CNTN5: variants seen among roughly 807,000 people sequenced by gnomAD.
CNTN5 encodes contactin-5.
Under a neutral mutation model 129.1 loss-of-function variants are expected in CNTN5, and 77 were observed. The observed-to-expected ratio is 0.60, with a 90% CI of 0.50 to 0.72. The LOEUF (loss-of-function observed/expected upper bound fraction) is 0.72. Ranked by LOEUF, CNTN5 falls within the 30% of genes least tolerant of loss-of-function variation. The pLI is 0.00. For missense variants in CNTN5, 1,478 were observed against 1,328.8 expected, an observed-to-expected ratio of 1.11 and a Z score of -1.75; for synonymous variants, 509 against 465.6, an observed-to-expected ratio of 1.09 and a Z score of -1.20.
At chr11:100,347,632 C>A (rs1246115127) in intron 23 of CNTN5, among the ~76,000 whole-genome samples, 1 of 152,044 alleles carries the variant, frequency 6.6e-6, no homozygotes, top group Non-Finnish European at 1.5e-5. Flanking sequence ...AAAAAGAAAT[C>A]TTGTTGTTAA....
At chr11:100,281,332 T>A (rs1188262040) in intron 18 of CNTN5, among the ~76,000 whole-genome samples, 2 of 152,134 alleles carry the variant, frequency 1.3e-5, no homozygotes, top group Non-Finnish European at 2.9e-5. Flanking sequence ...TTTCTCCTTA[T>A]GTTTGAAGGA....
intron 1 of CNTN5, among the ~76,000 whole-genome samples, chr11:99,190,578 C>T (rs1858586328): frequency 6.6e-6 from 1 of 150,976 alleles, no homozygotes; most frequent in East Asian, 1.9e-4. Context: ...TTTTGTTCAC[C>T]AATGTTTTGT....
chr11:99,383,935 C>T (rs766229801), intron 2 of CNTN5, among the ~76,000 whole-genome samples: 8 of 152,110 alleles, frequency 5.3e-5, no homozygotes, highest in Non-Finnish European at 1.0e-4. Context: ...ATTTCTTTCA[C>T]ATAAAAGAAG....
chr11:99,210,579 C>T (rs760601042), intron 1 of CNTN5, among the ~76,000 whole-genome samples: 3 of 151,944 alleles, frequency 2.0e-5, no homozygotes, highest in Non-Finnish European at 2.9e-5. Flanking sequence ...ACTTTGTCTC[C>T]GATTTCACAT....
intron 19 of CNTN5, among the ~76,000 whole-genome samples, chr11:100,298,074 A>G (rs2508823): frequency 0.98 from 149,108 of 151,396 alleles, 73,437 homozygotes; most frequent in East Asian, 1. Context: ...GGTGTGAAGA[A>G]TACATTTATT....
At chr11:100,266,817 GAATT>G (rs2138768068) in intron 17 of CNTN5, among the ~76,000 whole-genome samples, 1 of 151,916 alleles carries the variant, frequency 6.6e-6, no homozygotes, top group South Asian at 2.1e-4. Context: ...GATTCAAGCA[GAATT>G]AATTAATATT....
chr11:99,190,259 G>A (rs950200998), intron 1 of CNTN5, among the ~76,000 whole-genome samples: 34 of 151,584 alleles, frequency 2.2e-4, no homozygotes, highest in Non-Finnish European at 4.9e-4. Flanking sequence ...CTATGATTGT[G>A]TTTATATGGC....
chr11:99,907,945 A>G (rs540751714), intron 6 of CNTN5, among the ~76,000 whole-genome samples: 1 of 152,162 alleles, frequency 6.6e-6, no homozygotes, highest in Admixed American at 6.6e-5. Flanking sequence ...ATGTGAACCT[A>G]CCCATTGAAC....
chr11:99,311,339 G>T (rs1013449679), intron 1 of CNTN5, among the ~76,000 whole-genome samples: 1 of 152,062 alleles, frequency 6.6e-6, no homozygotes, highest in East Asian at 1.9e-4. Context: ...ATACTTTAAT[G>T]TCCATATATA....
chr11:99,644,933 C>A (rs913697817), intron 3 of CNTN5, among the ~76,000 whole-genome samples: 1 of 151,306 alleles, frequency 6.6e-6, no homozygotes, highest in Admixed American at 6.6e-5. Flanking sequence ...AAACTGTTTC[C>A]AAACTTTAAC....
At chr11:99,577,795 G>A (rs1049259589) in intron 3 of CNTN5, among the ~76,000 whole-genome samples, 5 of 148,924 alleles carry the variant, frequency 3.4e-5, no homozygotes, top group Non-Finnish European at 5.9e-5. Flanking sequence ...GATCTTTATA[G>A]TGAGGAATTA....
intron 8 of CNTN5, among the ~76,000 whole-genome samples, chr11:99,985,019 A>G (rs1415268443): frequency 6.6e-6 from 1 of 152,112 alleles, no homozygotes. Flanking sequence ...TGCCCAGGTG[A>G]GGGTGCCTGC....
At chr11:99,064,737 A>G (rs978959959) in intron 1 of CNTN5, among the ~76,000 whole-genome samples, 2 of 152,048 alleles carry the variant, frequency 1.3e-5, no homozygotes, top group Non-Finnish European at 1.5e-5. Flanking sequence ...TATCAAGATT[A>G]TTTTCATGCT....
intron 17 of CNTN5, among the ~76,000 whole-genome samples, chr11:100,266,152 A>G (rs768952897): frequency 1.3e-5 from 2 of 152,038 alleles, no homozygotes; most frequent in Non-Finnish European, 1.5e-5. Flanking sequence ...GCACTTTGGG[A>G]CATCCTGAGG....
chr11:100,003,515 A>C (rs917360926), intron 9 of CNTN5, among the ~76,000 whole-genome samples: 1 of 152,190 alleles, frequency 6.6e-6, no homozygotes, highest in Non-Finnish European at 1.5e-5. Context: ...CTTCAGTGCC[A>C]GAATTTATAC....
chr11:99,170,903 T>C (rs933110981), intron 1 of CNTN5, among the ~76,000 whole-genome samples: 3 of 152,198 alleles, frequency 2.0e-5, no homozygotes, highest in Admixed American at 2.0e-4. Flanking sequence ...TAATGTCATG[T>C]CAATTTACAA....
intron 6 of CNTN5, among the ~76,000 whole-genome samples, chr11:99,893,130 T>A (rs1379121340): frequency 6.6e-6 from 1 of 152,154 alleles, no homozygotes; most frequent in Non-Finnish European, 1.5e-5. Context: ...CAGGAATTTT[T>A]CATTTAGTAG....
chr11:99,806,339 A>T (rs751936150), intron 3 of CNTN5, among the ~76,000 whole-genome samples: 1 of 152,178 alleles, frequency 6.6e-6, no homozygotes, highest in Non-Finnish European at 1.5e-5. Flanking sequence ...AAAAAAATAA[A>T]TGAAGTGTGT....
At chr11:100,027,332 C>T (rs1591079021) in intron 9 of CNTN5, among the ~76,000 whole-genome samples, 1 of 152,134 alleles carries the variant, frequency 6.6e-6, no homozygotes, top group African/African-American at 2.4e-5. Flanking sequence ...ACATTTTATT[C>T]TTTCAGTTCC....
Sources: allele counts gnomAD v4.1 joint callset (sites outside exome capture counted in the v4.1 genomes callset), GRCh38; gene constraint gnomAD v4.1.1; transcripts MANE v1.5; gene names NCBI Gene and HGNC (gene_info 2026-07-23, HGNC 2026-07-21).